The following CCDC28A variants were observed in gnomAD, a reference collection of about 807,000 sequenced individuals.
CCDC28A encodes the protein coiled-coil domain containing 28A.
CCDC28A carries 24 observed loss-of-function variants against 22.1 expected under a neutral mutation model. The observed-to-expected ratio is 1.09, with a 90% CI of 0.79 to 1.53. The LOEUF (loss-of-function observed/expected upper bound fraction) is 1.53. CCDC28A is among the 40% of genes most tolerant of loss of function. The pLI is 0.00. For missense variants in CCDC28A, 170 were observed against 210.7 expected (o/e 0.81, Z 1.20); for synonymous variants, 83 against 74.7 (o/e 1.11, Z -0.57).
At chr6:138,790,091 T>G (rs111857232) in intron 5 of CCDC28A, among the ~76,000 whole-genome samples, 2,353 of 152,276 alleles carry the variant, frequency 0.015, 68 homozygotes, top group African/African-American at 0.053. Flanking sequence ...CTTCCTTCAA[T>G]GCTTTATATT....
intron 3 of CCDC28A, among the ~76,000 whole-genome samples, chr6:138,781,612 T>C (rs751283216): frequency 3.4e-4 from 51 of 152,234 alleles, no homozygotes; most frequent in Non-Finnish European, 1.2e-4. Context: ...GCCAGTCTCT[T>C]GGTGTAAAGT....
At chr6:138,777,007 G>A (rs1774943622) in intron 2 of CCDC28A, among the ~76,000 whole-genome samples, 1 of 152,050 alleles carries the variant, frequency 6.6e-6, no homozygotes, top group African/African-American at 2.4e-5. Context: ...AAACAGAAGT[G>A]ACAAGTTTAA....
chr6:138,774,702 T>A (rs1562437358), intron 1 of CCDC28A, among the ~76,000 whole-genome samples: 1 of 152,198 alleles, frequency 6.6e-6, no homozygotes, highest in Non-Finnish European at 1.5e-5. Context: ...AAAAGAAAAA[T>A]TTATTGAATT....
chr6:138,791,642 G>A (rs770258003), intron 5 of CCDC28A, among the ~76,000 whole-genome samples: 15 of 152,054 alleles, frequency 9.9e-5, no homozygotes, highest in Non-Finnish European at 1.6e-4. Flanking sequence ...ATCATAATGC[G>A]TTTGTTCAGG....
chr6:138,788,658 C>T (rs758233543), intron 5 of CCDC28A, among the ~76,000 whole-genome samples: 1 of 145,802 alleles, frequency 6.9e-6, no homozygotes, highest in Non-Finnish European at 1.5e-5. Flanking sequence ...TCACCACAGT[C>T]TCAAACCTCC....
chr6:138,782,369 CTG>C, intron 3 of CCDC28A, among the ~76,000 whole-genome samples: 1 of 152,226 alleles, frequency 6.6e-6, no homozygotes. Context: ...ATGCTTAGGA[CTG>C]TGTCTTTTCT....
In CCDC28A at chr6:138,779,869, C is replaced by T. The variant is rs1458575299; in HGVS notation, c.206C>T (p.Ala69Val). ...CCTCAGGGTGGAGAGGGCAAAGGCG[C>T]TCAGTCAACTCCGATCCAGCACTCC... ...TKPQGGEGKG[A>V]QSTPIQHSFL... The change falls in exon 3 of 6, where the codon GCT becomes GTT. Residue 69 changes from alanine to valine, a missense_variant. Ala to Val is a moderately conservative substitution (Grantham distance 64). Transcript: ENST00000617445. The T allele has an allele frequency of 1.2e-6, 2 of 1,613,834 alleles. No individual in the cohort carries two copies. Among genetic ancestry groups the T allele is most frequent in the East Asian group, 2.2e-5 (1 of 44,864 alleles).
intron 3 of CCDC28A, 102 bp from the exon 4 acceptor site, chr6:138,785,124 GA>G: frequency 1.6e-6 from 1 of 644,492 alleles, no homozygotes. Flanking sequence ...ACAGAAGAAA[GA>G]AAACCTGTTT....
chr6:138,787,159 C>T (rs374943602), intron 4 of CCDC28A, among the ~76,000 whole-genome samples: 1 of 152,266 alleles, frequency 6.6e-6, no homozygotes, highest in African/African-American at 2.4e-5. Context: ...ATGTTTATGT[C>T]CTCCCCAGAA....
rs1363499234 is a variant in CCDC28A at position 138,779,951 on chromosome 6, G to A, written c.288G>A (p.Leu96=). 2 of 1,612,520 alleles carry A rather than the reference G, an allele frequency of 1.2e-6. No individual in the cohort carries two copies. Among genetic ancestry groups the A allele is most frequent in the East Asian group, 2.2e-5 (1 of 44,824 alleles). The change falls in exon 3 of 6, where the codon TTG becomes TTA. Residue 96 remains leucine, a synonymous_variant. Coordinates refer to ENST00000617445, the MANE Select transcript of CCDC28A (RefSeq NM_015439.3). ...TGGAGAGAGGGCTGCTCAGTCTTTT[G>A]AATGATTTCCACTCTGGAAAACTTC... ...QEMERGLLSL[L]NDFHSGKLQA...
chr6:138,784,805 T>C (rs955754375), intron 3 of CCDC28A, among the ~76,000 whole-genome samples: 1 of 152,140 alleles, frequency 6.6e-6, no homozygotes, highest in Admixed American at 6.5e-5. Context: ...GCGATTCTCC[T>C]GTCTCAGCCT....
At chr6:138,782,387 A>G (rs72985053) in intron 3 of CCDC28A, among the ~76,000 whole-genome samples, 4,282 of 152,270 alleles carry the variant, frequency 0.028, 99 homozygotes, top group Non-Finnish European at 0.041. Context: ...TTTCTCATCA[A>G]TCTGCCTGGG....
intron 2 of CCDC28A, among the ~76,000 whole-genome samples, chr6:138,778,906 T>C (rs913809639): frequency 1.3e-5 from 2 of 152,118 alleles, no homozygotes; most frequent in South Asian, 4.1e-4. Context: ...TAGCTGGGAC[T>C]ACAGGTGTGC....
rs781022129 is a variant in CCDC28A at position 138,776,298 on chromosome 6, A to G, written c.158+20A>G. 4 of 1,560,596 alleles carry G rather than the reference A, an allele frequency of 2.6e-6. No individual in the cohort carries two copies. Among genetic ancestry groups the G allele is most frequent in the Admixed American group, 3.3e-5 (2 of 59,956 alleles). ...AAAAAGGTGAATTCTTTTATTTTAC[A>G]TGTTCACAGTAAAATGCCATTAAAG... On this transcript the variant is annotated intron_variant, in intron 2 of 5. Coordinates refer to ENST00000617445, the MANE Select transcript of CCDC28A (RefSeq NM_015439.3).
chr6:138,777,706 A>G (rs917740761), intron 2 of CCDC28A, among the ~76,000 whole-genome samples: 1 of 152,208 alleles, frequency 6.6e-6, no homozygotes, highest in African/African-American at 2.4e-5. Context: ...GTGTGACATA[A>G]CATTGAAGCA....
chr6:138,783,405 A>C (rs2114906149), intron 3 of CCDC28A, among the ~76,000 whole-genome samples: 1 of 147,162 alleles, frequency 6.8e-6, no homozygotes, highest in South Asian at 2.2e-4. Context: ...AGTAGCTGGT[A>C]CTGCAGGCAC....
At chr6:138,778,100 A>G (rs1171249931) in intron 2 of CCDC28A, among the ~76,000 whole-genome samples, 1 of 152,170 alleles carries the variant, frequency 6.6e-6, no homozygotes, top group Non-Finnish European at 1.5e-5. Flanking sequence ...CCTACTGTCA[A>G]CAATGTATGT....
chr6:138,792,767 A>T lies in CCDC28A; in HGVS notation c.519A>T (p.Ala173=). 1 of 1,607,792 alleles carries T rather than the reference A, an allele frequency of 6.2e-7. No individual in the cohort carries two copies. The highest frequency in any genetic ancestry group is 1.3e-5 in the African/African-American group (1 of 74,990). ...LNSSIQKLHL[A]DAQDVPNTSA... ...AATTCAGACAAAAACTCCATTTGGCAGATGCACAAGATGTTCCAAATACTT... is the reference window on the plus strand; with the variant it reads ...AATTCAGACAAAAACTCCATTTGGCTGATGCACAAGATGTTCCAAATACTT... The change falls in exon 6 of 6, where the codon GCA becomes GCT. Residue 173 remains alanine, a synonymous_variant. Transcript: ENST00000617445.
At chr6:138,786,793 T>C (rs1775099970) in intron 4 of CCDC28A, among the ~76,000 whole-genome samples, 1 of 152,274 alleles carries the variant, frequency 6.6e-6, no homozygotes, top group South Asian at 2.1e-4. Flanking sequence ...TTTTTTTATT[T>C]TTAGTAGAGA....
Sources: gnomAD v4.1 joint callset for allele counts (sites outside exome capture counted in the v4.1 genomes callset) on GRCh38, gnomAD v4.1.1 for gene constraint, MANE v1.5 for transcripts, NCBI Gene and HGNC (gene_info 2026-07-23, HGNC 2026-07-21) for gene names.